The following TTBK2 variants were observed in gnomAD, a reference collection of about 807,000 sequenced individuals.
The protein encoded by TTBK2 is tau-tubulin kinase 2.
TTBK2 carries 28 observed loss-of-function variants against 110.8 expected under a neutral mutation model. The ratio of observed to expected loss-of-function variants is 0.25; its 90% confidence interval spans 0.19 to 0.35. The LOEUF (loss-of-function observed/expected upper bound fraction) is 0.35. Among genes scored for constraint, TTBK2 ranks in the 10% least tolerant of loss-of-function variants. TTBK2 has a pLI of 1.00. For missense variants in TTBK2, 1,369 were observed against 1,500.3 expected (o/e 0.91, Z 1.45); for synonymous variants, 532 against 527.3 (o/e 1.01, Z -0.12).
At chr15:42,867,817 C>CAAT (rs1894438402) in intron 3 of TTBK2, among the ~76,000 whole-genome samples, 1 of 152,160 alleles carries the variant, frequency 6.6e-6, no homozygotes, top group African/African-American at 2.4e-5. Flanking sequence ...TCAAATCCAG[C>CAAT]AATAATGCTC....
intron 3 of TTBK2, among the ~76,000 whole-genome samples, chr15:42,869,791 G>T (rs768736859): frequency 6.6e-6 from 1 of 152,074 alleles, no homozygotes; most frequent in African/African-American, 2.4e-5. Context: ...TAATAATAAG[G>T]TATAGAAGTA....
At position 42,745,562 on chromosome 15, in the gene TTBK2, A is replaced by G. The variant is rs969189170; in HGVS notation, c.*233T>C. On this transcript the variant is annotated 3_prime_UTR_variant, in exon 15 of 15. Coordinates refer to ENST00000267890, the MANE Select transcript of TTBK2 (RefSeq NM_173500.4). ...ATTTTAATGAGTTTCTCCCCCTTGG[A>G]TTTTTGCTCTATTTTTCCTTCTTGT... is the stretch of plus-strand genomic sequence containing the variant. 5 of 569,172 alleles carry G rather than the reference A, an allele frequency of 8.8e-6. No individual in the cohort carries two copies. The highest frequency in any genetic ancestry group is 3.8e-5 in the African/African-American group (2 of 53,268). The allele number at this position is 569,172 out of a possible 1,614,324, so 35.3% of individuals were successfully genotyped here.
At chr15:42,877,146 T>G (rs953043215) in intron 2 of TTBK2, among the ~76,000 whole-genome samples, 2 of 152,182 alleles carry the variant, frequency 1.3e-5, no homozygotes, top group Non-Finnish European at 2.9e-5. Flanking sequence ...ACATTTCAAC[T>G]AATAAATGAA....
At chr15:42,783,745 A>T in intron 10 of TTBK2, 110 bp from the exon 11 acceptor site, 8 of 197,686 alleles carry the variant, frequency 4.0e-5, no homozygotes, top group Middle Eastern at 1.0e-3. Context: ...TAAGAGAGTT[A>T]AAAAAAAAAA....
In TTBK2 at chr15:42,739,974, G is replaced by A. The variant is rs1260884102; in HGVS notation, c.*5821C>T. 2.0e-5 allele frequency: 3 copies of A among 152,288 alleles called. No individual in the cohort carries two copies. Among genetic ancestry groups the A allele is most frequent in the Middle Eastern group, 3.4e-3 (1 of 294 alleles). 9.4% of individuals were successfully genotyped at this position (152,288 alleles called of 1,614,324 possible). A position where few individuals can be genotyped will look rare whatever the true frequency, so the allele number is the denominator to read the frequency against. ...GTTTACTCAATGTTTTTAATTAGGC[G>A]AGTGAACACTTATGTACATAATATT... On this transcript the variant is annotated 3_prime_UTR_variant, in exon 15 of 15. Transcript: ENST00000267890.
chr15:42,808,066 A>G (rs1320128918), intron 9 of TTBK2, among the ~76,000 whole-genome samples: 1 of 152,224 alleles, frequency 6.6e-6, no homozygotes, highest in Admixed American at 6.5e-5. Flanking sequence ...ATAAATACTA[A>G]GTACAGATAA....
upstream of TTBK2, chr15:42,920,895 T>G (rs368039738): frequency 6.6e-6 from 1 of 152,390 alleles, no homozygotes; most frequent in African/African-American, 2.4e-5. Context: ...GATTGGAGAG[T>G]GCGTTCCGAA....
intron 6 of TTBK2, among the ~76,000 whole-genome samples, chr15:42,818,538 T>C (rs1165218939): frequency 1.3e-5 from 2 of 151,938 alleles, no homozygotes. Context: ...GCTAACACGG[T>C]GAAACCCCAT....
chr15:42,763,202 T>A (rs1181253209), intron 13 of TTBK2, among the ~76,000 whole-genome samples: 37 of 26,064 alleles, frequency 1.4e-3, no homozygotes, highest in African/African-American at 3.7e-3. Context: ...ATTTTTTTTT[T>A]TTTTTTTTTT....
At chr15:42,884,268 G>A (rs9806313) in intron 1 of TTBK2, among the ~76,000 whole-genome samples, 9,026 of 152,110 alleles carry the variant, frequency 0.059, 840 homozygotes, top group African/African-American at 0.2. Flanking sequence ...CAGTACCATT[G>A]GGGTATAATT....
intron 9 of TTBK2, among the ~76,000 whole-genome samples, chr15:42,804,116 A>T (rs950687914): frequency 6.6e-6 from 1 of 151,892 alleles, no homozygotes; most frequent in Non-Finnish European, 1.5e-5. Flanking sequence ...GATACTTTAA[A>T]ATTTATAAAT....
chr15:42,807,575 A>AT (rs1192429925), intron 9 of TTBK2, among the ~76,000 whole-genome samples: 6 of 136,060 alleles, frequency 4.4e-5, no homozygotes, highest in Admixed American at 7.2e-5. Context: ...CACCTGGCTA[A>AT]TTTTTTTTGT....
At chr15:42,748,111 T>A (rs1318202953) in intron 14 of TTBK2, among the ~76,000 whole-genome samples, 1 of 152,118 alleles carries the variant, frequency 6.6e-6, no homozygotes, top group African/African-American at 2.4e-5. Context: ...CAAGTTAAAA[T>A]TCAGACTAGG....
At chr15:42,873,735 G>A (rs1237378869) in intron 2 of TTBK2, among the ~76,000 whole-genome samples, 3 of 152,184 alleles carry the variant, frequency 2.0e-5, no homozygotes, top group Non-Finnish European at 4.4e-5. Context: ...TGCACCTGTA[G>A]TGTCTGAAAG....
chr15:42,745,780 G>T lies in TTBK2; in HGVS notation c.*15C>A. ...AGGAAGATCTCACACCTTTCAAAGAGATGCAGCCTGGCTCCTATCTGCTGA... is the reference window on the plus strand; with the variant it reads ...AGGAAGATCTCACACCTTTCAAAGATATGCAGCCTGGCTCCTATCTGCTGA... On this transcript the variant is annotated 3_prime_UTR_variant, in exon 15 of 15. Coordinates refer to ENST00000267890, the MANE Select transcript of TTBK2 (RefSeq NM_173500.4). 1 of 1,613,642 alleles carries T rather than the reference G, an allele frequency of 6.2e-7. No individual in the cohort carries two copies. Among genetic ancestry groups the T allele is most frequent in the Non-Finnish European group, 8.5e-7 (1 of 1,179,930 alleles).
At chr15:42,766,804 C>G (rs1315492967) in intron 13 of TTBK2, among the ~76,000 whole-genome samples, 2 of 152,224 alleles carry the variant, frequency 1.3e-5, no homozygotes, top group African/African-American at 4.8e-5. Flanking sequence ...CTACAGAACT[C>G]TCCACCTCAA....
At position 42,817,063 on chromosome 15, in the gene TTBK2, C is replaced by T. The variant is rs1892067297; in HGVS notation, c.572G>A (p.Arg191His). 5 of 1,607,482 alleles carry T rather than the reference C, an allele frequency of 3.1e-6. No individual in the cohort carries two copies. Among genetic ancestry groups the T allele is most frequent in the East Asian group, 2.2e-5 (1 of 44,494 alleles). The change falls in exon 7 of 15, where the codon CGT (arginine) becomes CAT (histidine). Residue 191 changes from arginine to histidine, a missense_variant. Physicochemically the swap from Arg to His is conservative, Grantham distance 29. Transcript: ENST00000267890. ...RAVAGFRGTVRYASINAHRNR... is the reference protein window; with the variant it reads ...RAVAGFRGTVHYASINAHRNR... ...CCGATGTGCGTTGATTGATGCATAA[C>T]GAACTGTCCCTCGAAAACCTGCCAC... is the stretch of plus-strand genomic sequence containing the variant.
At position 42,802,468 on chromosome 15, in the gene TTBK2, G is replaced by T. The variant is rs561047922; in HGVS notation, c.823-7667C>A. On this transcript the variant is annotated intron_variant, in intron 9 of 14. Transcript: ENST00000267890. ...GAAGGAGTGGAGAAGCTGCTTCTTGGTCTGCACACAGTCTTTACTTCTCTG... is the reference window on the plus strand; with the variant it reads ...GAAGGAGTGGAGAAGCTGCTTCTTGTTCTGCACACAGTCTTTACTTCTCTG... 8 of 654,140 alleles carry T rather than the reference G, an allele frequency of 1.2e-5. No homozygotes were observed. In the South Asian group the frequency reaches 1.3e-4, roughly 10 times the overall value. The allele number at this position is 654,140 out of a possible 1,614,324, so 40.5% of individuals were successfully genotyped here.
intron 11 of TTBK2, among the ~76,000 whole-genome samples, chr15:42,781,333 T>A (rs1890169918): frequency 6.6e-6 from 1 of 152,160 alleles, no homozygotes; most frequent in Non-Finnish European, 1.5e-5. Flanking sequence ...CGGAAAAATA[T>A]TCAGAACAGA....
Sources: gnomAD v4.1 joint callset for allele counts (sites outside exome capture counted in the v4.1 genomes callset) on GRCh38, gnomAD v4.1.1 for gene constraint, MANE v1.5 for transcripts, NCBI Gene and HGNC (gene_info 2026-07-23, HGNC 2026-07-21) for gene names.